BAG2: variants seen among roughly 807,000 people sequenced by gnomAD.
BAG2 encodes the protein BAG cochaperone 2, also known as BAG family molecular chaperone regulator 2.
Under a neutral mutation model 16.4 loss-of-function variants are expected in BAG2, and 8 were observed. The ratio of observed to expected loss-of-function variants is 0.49; its 90% CI spans 0.29 to 0.88. The LOEUF (loss-of-function observed/expected upper bound fraction) is 0.88. BAG2 is among the 40% of genes least tolerant of loss of function. BAG2 has a pLI of 0.09. For missense variants in BAG2, 218 were observed against 248.9 expected (o/e 0.88, Z 0.84); for synonymous variants, 82 against 89.2 (o/e 0.92, Z 0.46).
At chr6:57,181,560 G>A (rs1015330880) in intron 1 of BAG2, among the ~76,000 whole-genome samples, 4 of 151,944 alleles carry the variant, frequency 2.6e-5, no homozygotes, top group African/African-American at 9.7e-5. Context: ...GTGAAACCCC[G>A]TCTCTACTAA....
At chr6:57,175,484 C>T (rs984356549) in intron 1 of BAG2, among the ~76,000 whole-genome samples, 9 of 152,172 alleles carry the variant, frequency 5.9e-5, no homozygotes, top group African/African-American at 1.9e-4. Flanking sequence ...AAAAGACTCT[C>T]GTTCCAGAGA....
rs1030893667 is a variant in BAG2 at position 57,187,782 on chromosome 6, A to G, written c.*3592A>G. 2 of 152,074 alleles carry G rather than the reference A, an allele frequency of 1.3e-5. No homozygotes were observed. Among genetic ancestry groups the G allele is most frequent in the Admixed American group, 1.3e-4 (2 of 15,270 alleles). 9.4% of individuals were successfully genotyped at this position (152,074 alleles called of 1,614,324 possible). A position where few individuals can be genotyped will look rare whatever the true frequency, so the allele number is the denominator to read the frequency against. Reference sequence around the variant, plus strand: ...GTTCCTTCTGAGCACTGCACTGCCAACTTCTAAAGCAACCACCTAGAACTT... The same window carrying G: ...GTTCCTTCTGAGCACTGCACTGCCAGCTTCTAAAGCAACCACCTAGAACTT... On this transcript the variant is annotated 3_prime_UTR_variant, in exon 3 of 3. Transcript: ENST00000370693.
rs116627610 is a variant in BAG2, at chr6:57,173,330, T to C, written c.113+520T>C. ...AAAACAAAACCAACCCAGCAATCCATTGAGAGCAAAGATTAGACAGGAGTG... is the reference window on the plus strand; with the variant it reads ...AAAACAAAACCAACCCAGCAATCCACTGAGAGCAAAGATTAGACAGGAGTG... On this transcript the variant is annotated intron_variant, in intron 1 of 2. Transcript: ENST00000370693. 5.5e-3 allele frequency: 5,457 copies of C among 985,378 alleles called. 234 individuals are homozygous for C. The African/African-American group carries it at 0.089, about 16-fold the overall frequency. The allele number at this position is 985,378 out of a possible 1,614,324, so 61.0% of individuals were successfully genotyped here.
intron 2 of BAG2, among the ~76,000 whole-genome samples, chr6:57,182,533 A>C (rs1384603291): frequency 6.7e-6 from 1 of 150,316 alleles, no homozygotes; most frequent in East Asian, 1.9e-4. Flanking sequence ...TAGAGACCAA[A>C]AAAAAAAAAA....
chr6:57,174,851 T>C (rs1299167213), intron 1 of BAG2, among the ~76,000 whole-genome samples: 2 of 152,158 alleles, frequency 1.3e-5, no homozygotes, highest in Admixed American at 6.5e-5. Flanking sequence ...TGTTGACTAA[T>C]AAAGTAGTGT....
chr6:57,175,239 T>C (rs1209230789), intron 1 of BAG2, among the ~76,000 whole-genome samples: 1 of 152,272 alleles, frequency 6.6e-6, no homozygotes, highest in Non-Finnish European at 1.5e-5. Flanking sequence ...TTATTGTAAT[T>C]TGTAAAAAAT....
chr6:57,184,353 A>C lies in BAG2; in HGVS notation c.*163A>C. 1.7e-6 allele frequency: 1 copy of C among 571,548 alleles called. No homozygotes were observed. Among genetic ancestry groups the C allele is most frequent in the Non-Finnish European group, 2.7e-6 (1 of 370,040 alleles). 35.4% of individuals were successfully genotyped at this position (571,548 alleles called of 1,614,324 possible). The stretch of plus-strand genomic sequence containing the variant: ...ATCAAGTATCTTCAGTTTTGTGAAT[A>C]ACAAAACTAGCAATATTTTAATTAT... On this transcript the variant is annotated 3_prime_UTR_variant, in exon 3 of 3. Coordinates refer to ENST00000370693, the MANE Select transcript of BAG2 (RefSeq NM_004282.4).
At position 57,184,186 on chromosome 6, in the gene BAG2, A is replaced by G. The variant is rs147555148; in HGVS notation, c.632A>G (p.Asn211Ser). The change falls in exon 3 of 3, where the codon AAT becomes AGT. Residue 211 changes from asparagine (N) to serine (S), a missense_variant. This residue lies in a region of BAG2 where 113 missense variants were observed against 128.0 expected (regional missense o/e 0.88). Transcript: ENST00000370693. Reference sequence around the variant, plus strand: ...CAACAAAATGCTGAAAGCAGATTCAATTAGTCTTCAAACCTAAGAGCATTT... The same window carrying G: ...CAACAAAATGCTGAAAGCAGATTCAGTTAGTCTTCAAACCTAAGAGCATTT... ...TLQQNAESRF[N>S] 15 of 1,537,618 alleles carry G rather than the reference A, an allele frequency of 9.8e-6. No individual in the cohort carries two copies. The highest frequency in any genetic ancestry group is 1.2e-5 in the Non-Finnish European group (14 of 1,151,770).
In BAG2 at chr6:57,181,912, A is replaced by G. The variant is rs1043922151; in HGVS notation, c.114-120A>G. The stretch of plus-strand genomic sequence containing the variant: ...ATGAAAGAATTTTAAAGCAGAAATG[A>G]AGAATTTTTGAAAAGTTTGGTGATC... On this transcript the variant is annotated intron_variant, in intron 1 of 2. Transcript: ENST00000370693. 10 of 789,050 alleles carry G rather than the reference A, an allele frequency of 1.3e-5. No homozygotes were observed. The African/African-American group carries it at 1.6e-4, about 12-fold the overall frequency. The allele number at this position is 789,050 out of a possible 1,614,324, so 48.9% of individuals were successfully genotyped here.
At chr6:57,173,405 G>T in intron 1 of BAG2, 4 of 985,334 alleles carry the variant, frequency 4.1e-6, no homozygotes, top group Non-Finnish European at 4.8e-6. Flanking sequence ...AGACGTTGCC[G>T]CTTCTGTTTC....
In BAG2 at chr6:57,172,580, G is replaced by T. The variant is rs1328851630; in HGVS notation, c.-118G>T. On this transcript the variant is annotated 5_prime_UTR_variant, in exon 1 of 3. Coordinates refer to ENST00000370693, the MANE Select transcript of BAG2 (RefSeq NM_004282.4). ...GTCCTCCCGGGTTGCCCCCGCGGGC[G>T]TCAGAGGGAGGGCGGGCGCCCGCGT... 1.2e-6 allele frequency: 1 copy of T among 832,844 alleles called. No homozygotes were observed. Among genetic ancestry groups the T allele is most frequent in the Non-Finnish European group, 1.7e-6 (1 of 584,642 alleles). The allele number at this position is 832,844 out of a possible 1,614,324, so 51.6% of individuals were successfully genotyped here.
chr6:57,176,690 A>G (rs1248544765), intron 1 of BAG2, among the ~76,000 whole-genome samples: 1 of 152,184 alleles, frequency 6.6e-6, no homozygotes, highest in Non-Finnish European at 1.5e-5. Context: ...GTTGGGGGTG[A>G]TAGGGATCAT....
At position 57,172,653 on chromosome 6, in the gene BAG2, C is replaced by T. The variant is rs1443859080; in HGVS notation, c.-45C>T. ...CAAGGAGCGCTCCACTCGCTGCCGC[C>T]GGAGGGGCCGGTGACCTCTTGGCTA... On this transcript the variant is annotated 5_prime_UTR_variant, in exon 1 of 3. Transcript: ENST00000370693. 1.4e-6 allele frequency: 2 copies of T among 1,424,728 alleles called. No individual in the cohort carries two copies. Among genetic ancestry groups the T allele is most frequent in the East Asian group, 3.0e-5 (1 of 33,084 alleles). 88.3% of individuals were successfully genotyped at this position (1,424,728 alleles called of 1,614,324 possible). A position where few individuals can be genotyped will look rare whatever the true frequency, so the allele number is the denominator to read the frequency against.
rs537178542 is a variant in BAG2 at position 57,180,834 on chromosome 6, G to A, written c.114-1198G>A. Among the ~76,000 whole-genome samples, 11 of 151,938 alleles carry A rather than the reference G, an allele frequency of 7.2e-5. 2 individuals carry two copies. The South Asian group carries it at 2.1e-3, about 29-fold the overall frequency. On this transcript the variant is annotated intron_variant, in intron 1 of 2. Coordinates refer to ENST00000370693, the MANE Select transcript of BAG2 (RefSeq NM_004282.4). ...CTCTTTAGTGCAAGACATCCCAGACGTGGTTCATATATGAGAGGATGAGAG... is the reference window on the plus strand; with the variant it reads ...CTCTTTAGTGCAAGACATCCCAGACATGGTTCATATATGAGAGGATGAGAG...
chr6:57,181,398 G>T lies in BAG2; in HGVS notation c.114-634G>T, dbSNP rs575609235. Among the ~76,000 whole-genome samples the T allele has an allele frequency of 4.1e-4, 63 of 152,302 alleles. 1 individual carries two copies. The highest frequency in any genetic ancestry group is 3.4e-3 in the Middle Eastern group (1 of 294). On this transcript the variant is annotated intron_variant, in intron 1 of 2. Transcript: ENST00000370693. The stretch of plus-strand genomic sequence containing the variant: ...AGCAATTAGCAGCAACTGATTAGAA[G>T]TACACATAGGGGGCTGGGTGTGGTG...
chr6:57,173,122 T>TA, intron 1 of BAG2: 1 of 1,041,046 alleles, frequency 9.6e-7, no homozygotes, highest in Non-Finnish European at 1.2e-6. Context: ...AGATAAAAGT[T>TA]ACAGTGAGAT....
chr6:57,176,109 A>G (rs1764277215), intron 1 of BAG2, among the ~76,000 whole-genome samples: 1 of 152,214 alleles, frequency 6.6e-6, no homozygotes, highest in African/African-American at 2.4e-5. Flanking sequence ...GAGCAGAGGA[A>G]AAACACAGTG....
rs1764565231 is a variant in BAG2 at position 57,184,492 on chromosome 6, A to C, written c.*302A>C. 1 of 196,700 alleles carries C rather than the reference A, an allele frequency of 5.1e-6. No individual in the cohort carries two copies. The highest frequency in any genetic ancestry group is 5.6e-5 in the Admixed American group (1 of 17,852). 12.2% of individuals were successfully genotyped at this position (196,700 alleles called of 1,614,324 possible). A position where few individuals can be genotyped will look rare whatever the true frequency, so the allele number is the denominator to read the frequency against. On this transcript the variant is annotated 3_prime_UTR_variant, in exon 3 of 3. Transcript: ENST00000370693. Reference sequence around the variant, plus strand: ...GGAAAACAAACGTTCAGCTAGGGGCAAAAAGCATGACTGCTTTTTCCTGTC... The same window carrying C: ...GGAAAACAAACGTTCAGCTAGGGGCCAAAAGCATGACTGCTTTTTCCTGTC...
intron 1 of BAG2, among the ~76,000 whole-genome samples, chr6:57,178,576 C>G (rs527433519): frequency 3.4e-4 from 51 of 152,192 alleles, no homozygotes; most frequent in African/African-American, 1.2e-3. Context: ...AGAATGCTAC[C>G]TGAAGAGGGA....
Sources: allele counts gnomAD v4.1 joint callset (sites outside exome capture counted in the v4.1 genomes callset), GRCh38; gene constraint gnomAD v4.1.1; regional missense constraint gnomAD v4.1.1; transcripts MANE v1.5; gene names NCBI Gene and HGNC (gene_info 2026-07-23, HGNC 2026-07-21).